The following ANKRD30B variants were observed in gnomAD, a reference collection of about 807,000 sequenced individuals.
ANKRD30B encodes the protein ankyrin repeat domain-containing protein 30B.
A neutral mutation model predicts 202.2 loss-of-function variants in ANKRD30B; 144 were observed. That is an observed-to-expected ratio of 0.71 (90% CI 0.62 to 0.82). The LOEUF (loss-of-function observed/expected upper bound fraction) is 0.82. Ranked by LOEUF, ANKRD30B falls within the 40% of genes least tolerant of loss-of-function variation. ANKRD30B has a pLI of 0.00. For synonymous variants in ANKRD30B, 508 were observed against 561.3 expected, an observed-to-expected ratio of 0.91 and a Z score of 1.34; for missense variants, 1,487 against 1,669.1, an observed-to-expected ratio of 0.89 and a Z score of 1.90.
At position 14,852,305 on chromosome 18, in the gene ANKRD30B, T is replaced by G. The variant is rs1971923624; in HGVS notation, c.4361T>G (p.Phe1454Cys). The stretch of plus-strand genomic sequence containing the variant: ...AGCAAGGTAACAATTAATATTCAGT[T>G]TCCTGAGATGAAAATGCAACGTCAT... ...NKSKVTINIQFPEMKMQRHLN... is the reference protein window; with the variant it reads ...NKSKVTINIQCPEMKMQRHLN... Residue 1454 changes from phenylalanine (F) to cysteine (C), a missense_variant, in exon 42 of 44, where the codon TTT becomes TGT. Around this residue, in one of 6 missense-constraint regions of ANKRD30B, gnomAD observed 182 missense variants for 216.0 expected, o/e 0.84. Coordinates refer to ENST00000690538, the MANE Select transcript of ANKRD30B (RefSeq NM_001367607.2). 6.5e-7 allele frequency: 1 copy of G among 1,544,152 alleles called. No individual in the cohort carries two copies.
At chr18:14,858,592 C>G (rs1182739381), downstream of ANKRD30B, among the ~76,000 whole-genome samples, 6 of 110,842 alleles carry the variant, frequency 5.4e-5, no homozygotes, top group East Asian at 1.5e-3. Flanking sequence ...GCAAGAGGTG[C>G]TCCTCATTTC....
At chr18:14,794,287 T>A (rs2143949948) in intron 16 of ANKRD30B, among the ~76,000 whole-genome samples, 1 of 151,914 alleles carries the variant, frequency 6.6e-6, no homozygotes, top group Non-Finnish European at 1.5e-5. Flanking sequence ...ACCAGAGTTT[T>A]CAACCATAAA....
intron 5 of ANKRD30B, among the ~76,000 whole-genome samples, chr18:14,758,713 G>T (rs568004342): frequency 6.6e-6 from 1 of 152,212 alleles, no homozygotes; most frequent in South Asian, 2.1e-4. Context: ...CCCGGACTTG[G>T]CCTAGACCTT....
the ANKRD30B span, among the ~76,000 whole-genome samples, chr18:14,862,711 T>A: frequency 4.6e-5 from 7 of 152,136 alleles, no homozygotes. Flanking sequence ...GAAGCTTTCA[T>A]CCTGAGCCTA....
intron 34 of ANKRD30B, among the ~76,000 whole-genome samples, chr18:14,833,639 T>C (rs193198786): frequency 1.4e-4 from 22 of 152,328 alleles, no homozygotes; most frequent in Non-Finnish European, 2.1e-4. Context: ...GTTTAACTAA[T>C]TGTCTTATTA....
the ANKRD30B span, among the ~76,000 whole-genome samples, chr18:14,895,531 C>G: frequency 6.6e-6 from 1 of 152,058 alleles, no homozygotes; most frequent in Non-Finnish European, 1.5e-5. Flanking sequence ...GGTATTTGCC[C>G]AATTGAATTG....
At chr18:14,843,248 T>C (rs1971495951) in intron 39 of ANKRD30B, among the ~76,000 whole-genome samples, 152 bp downstream of exon 39, 1 of 152,150 alleles carries the variant, frequency 6.6e-6, no homozygotes, top group South Asian at 2.1e-4. Flanking sequence ...AACTGATTAC[T>C]TACAAGAACA....
At chr18:14,750,559 T>C (rs1322079366) in intron 1 of ANKRD30B, among the ~76,000 whole-genome samples, 3 of 152,140 alleles carry the variant, frequency 2.0e-5, no homozygotes, top group African/African-American at 7.2e-5. Context: ...TAAAAAATTG[T>C]ATATGCCCAT....
At chr18:14,778,224 G>A (rs1441942566) in intron 10 of ANKRD30B, 149 bp downstream of exon 10, 2 of 620,382 alleles carry the variant, frequency 3.2e-6, no homozygotes, top group African/African-American at 1.9e-5. Flanking sequence ...GTCTTCTCAG[G>A]TGTTGACAAC....
intron 37 of ANKRD30B, among the ~76,000 whole-genome samples, chr18:14,841,288 T>A (rs925488213): frequency 2.0e-5 from 3 of 152,210 alleles, no homozygotes; most frequent in African/African-American, 7.2e-5. Flanking sequence ...GAAAATCAGC[T>A]GAATACCTTG....
chr18:14,938,160 AC>A, the ANKRD30B span, among the ~76,000 whole-genome samples: 13 of 152,196 alleles, frequency 8.5e-5, no homozygotes, highest in Non-Finnish European at 1.5e-5. Flanking sequence ...AGTCACACAC[AC>A]AACCGTGGCT....
the ANKRD30B span, among the ~76,000 whole-genome samples, chr18:14,935,702 T>G: frequency 1.3e-5 from 2 of 152,246 alleles, no homozygotes; most frequent in African/African-American, 4.8e-5. Context: ...ATATGTGTAG[T>G]GCATGCATAT....
intron 7 of ANKRD30B, among the ~76,000 whole-genome samples, chr18:14,765,901 A>AT (rs367599634): frequency 3.9e-5 from 6 of 151,988 alleles, no homozygotes; most frequent in South Asian, 2.1e-4. Context: ...GTTTTACTGA[A>AT]TTTTTTTTAA....
At chr18:14,782,754 T>G (rs1236489336) in intron 12 of ANKRD30B, 140 bp downstream of exon 12, 6 of 520,924 alleles carry the variant, frequency 1.2e-5, no homozygotes, top group Non-Finnish European at 2.0e-5. Flanking sequence ...TGATAAGTTA[T>G]GTATCTTTTC....
chr18:14,777,471 T>C (rs1358653580), intron 9 of ANKRD30B, among the ~76,000 whole-genome samples: 1 of 151,740 alleles, frequency 6.6e-6, no homozygotes, highest in Non-Finnish European at 1.5e-5. Flanking sequence ...CTAATTTTTG[T>C]ATTTTTAGTA....
intron 16 of ANKRD30B, 149 bp downstream of exon 16, chr18:14,791,640 T>C: frequency 1.6e-6 from 1 of 620,492 alleles, no homozygotes; most frequent in Non-Finnish European, 2.8e-6. Flanking sequence ...GTTATACGTC[T>C]TATCAGGTGT....
chr18:14,756,508 G>T (rs1243488673), intron 4 of ANKRD30B, among the ~76,000 whole-genome samples: 1 of 152,146 alleles, frequency 6.6e-6, no homozygotes, highest in Non-Finnish European at 1.5e-5. Context: ...GTATTGCCTA[G>T]GTTTTCTTCT....
chr18:14,908,637 G>A, the ANKRD30B span, among the ~76,000 whole-genome samples: 1 of 152,180 alleles, frequency 6.6e-6, no homozygotes, highest in African/African-American at 2.4e-5. Flanking sequence ...TTTGAGGGCA[G>A]GGTCTGTGTC....
chr18:14,835,554 G>C (rs1488951869), intron 34 of ANKRD30B, among the ~76,000 whole-genome samples: 2 of 151,468 alleles, frequency 1.3e-5, no homozygotes, highest in Admixed American at 1.3e-4. Context: ...GAACTTTTTA[G>C]TTTCTTTCTT....
Sources: allele counts gnomAD v4.1 joint callset (sites outside exome capture counted in the v4.1 genomes callset), GRCh38; gene constraint gnomAD v4.1.1; regional missense constraint gnomAD v4.1.1; transcripts MANE v1.5; gene names NCBI Gene and HGNC (gene_info 2026-07-23, HGNC 2026-07-21).